Variants in MTFR1 observed in about 807,000 individuals in gnomAD.
MTFR1 encodes the protein mitochondrial fission regulator 1.
Under a neutral mutation model 38.8 loss-of-function variants are expected in MTFR1, and 28 were observed. That is an observed-to-expected ratio of 0.72 (90% CI 0.53 to 0.99). The LOEUF (loss-of-function observed/expected upper bound fraction) is 0.99, where lower values mean the gene tolerates loss of function less well. MTFR1 is among the 50% of genes least tolerant of loss of function. MTFR1 has a pLI of 0.00. For missense variants in MTFR1, 358 were observed against 395.5 expected, an observed-to-expected ratio of 0.91 and a Z score of 0.81; for synonymous variants, 145 against 137.0, an observed-to-expected ratio of 1.06 and a Z score of -0.41.
intron 3 of MTFR1, among the ~76,000 whole-genome samples, chr8:65,731,053 T>C (rs1806865445): frequency 6.6e-6 from 1 of 152,220 alleles, no homozygotes; most frequent in Non-Finnish European, 1.5e-5. Flanking sequence ...CATGTGCTGG[T>C]GCTGTTTTAG....
rs779099964 is a variant in MTFR1, at chr8:65,704,854, G to A, written c.442G>A (p.Glu148Lys). Residue 148 changes from glutamate to lysine, a missense_variant, in exon 5 of 8, where the codon GAA (glutamate) becomes AAA (lysine). Coordinates refer to ENST00000262146, the MANE Select transcript of MTFR1 (RefSeq NM_014637.4). ...AGCACTGCAGAAGATTTGCGCTCTC[G>A]AAAATGAACTTGCTGCTCTCAGAGC... ...EEALQKICALENELAALRAQI... is the reference protein window; with the variant it reads ...EEALQKICALKNELAALRAQI... The A allele has an allele frequency of 5.0e-6, 8 of 1,613,590 alleles. No individual in the cohort carries two copies. The highest frequency in any genetic ancestry group is 5.1e-6 in the Non-Finnish European group (6 of 1,179,836).
intron 3 of MTFR1, among the ~76,000 whole-genome samples, chr8:65,743,907 A>G (rs1338069485): frequency 1.3e-5 from 2 of 151,384 alleles, no homozygotes; most frequent in Non-Finnish European, 2.9e-5. Flanking sequence ...ATCTCAGCTC[A>G]CTGCAACCTT....
chr8:65,766,932 G>T (rs946866174), intron 3 of MTFR1, among the ~76,000 whole-genome samples: 1 of 151,990 alleles, frequency 6.6e-6, no homozygotes, highest in Admixed American at 6.6e-5. Flanking sequence ...TTTCTCAATG[G>T]GTCTTGGAAA....
At position 65,655,969 on chromosome 8, in the gene MTFR1, C is replaced by CATATATATATATATATGTATATATATA; in HGVS notation, c.-81+11185_-81+11186insATATATATATATATATGTATATATATA. Among the ~76,000 whole-genome samples, 105 of 56,424 alleles carry CATATATATATATATATGTATATATATA rather than the reference C, an allele frequency of 1.9e-3. 6 individuals carry two copies. The highest frequency in any genetic ancestry group is 0.01 in the African/African-American group (100 of 9,802). 37.0% of individuals were successfully genotyped at this position (56,424 alleles called of 152,430 possible). The stretch of plus-strand genomic sequence containing the variant: ...AAAAAAAAATATATATATATATATA[C>CATATATATATATATATGTATATATATA]CATATATATATATATGGTAGTGGGT... On this transcript the variant is annotated intron_variant, in intron 1 of 7. Coordinates refer to ENST00000262146, the MANE Select transcript of MTFR1 (RefSeq NM_014637.4).
At chr8:65,681,146 T>A (rs1285638472) in intron 2 of MTFR1, among the ~76,000 whole-genome samples, 1 of 151,838 alleles carries the variant, frequency 6.6e-6, no homozygotes, top group Admixed American at 6.6e-5. Flanking sequence ...TCTCCTGACC[T>A]CATGATCCAC....
intron 1 of MTFR1, among the ~76,000 whole-genome samples, chr8:65,668,053 A>G: frequency 6.6e-6 from 1 of 152,076 alleles, no homozygotes; most frequent in East Asian, 1.9e-4. Context: ...TCTTCTCACA[A>G]CGTAGACCAC....
intron 3 of MTFR1, among the ~76,000 whole-genome samples, chr8:65,752,914 C>T (rs1274378971): frequency 6.6e-6 from 1 of 152,124 alleles, no homozygotes; most frequent in Non-Finnish European, 1.5e-5. Context: ...TTGTCGCCTT[C>T]CAAATCTGTC....
At chr8:65,737,438 G>A (rs554961754) in intron 3 of MTFR1, among the ~76,000 whole-genome samples, 20 of 152,176 alleles carry the variant, frequency 1.3e-4, no homozygotes, top group Non-Finnish European at 2.1e-4. Flanking sequence ...AATTGTATCT[G>A]TAGAGTCACA....
rs75595297 is a variant in MTFR1, at chr8:65,770,630, C to T, written c.*49-317C>T. Among the ~76,000 whole-genome samples, 109 of 152,298 alleles carry T rather than the reference C, an allele frequency of 7.2e-4. 2 individuals carry two copies. The East Asian group carries it at 0.019, about 26-fold the overall frequency. ...CAGTGAATAACACCATAACTTAATA[C>T]ATGTTCCTATTATAAACAAGGTGAA... On this transcript the variant is annotated intron_variant, in intron 3 of 3. Coordinates refer to the MTFR1 transcript ENST00000521247.
At chr8:65,643,985 G>A (rs1808882925), upstream of MTFR1, among the ~76,000 whole-genome samples, 1 of 152,094 alleles carries the variant, frequency 6.6e-6, no homozygotes, top group African/African-American at 2.4e-5. Context: ...GGGTAAGAGA[G>A]ACAGCCAATC....
At chr8:65,664,424 G>A (rs1365427977) in intron 1 of MTFR1, among the ~76,000 whole-genome samples, 1 of 152,122 alleles carries the variant, frequency 6.6e-6, no homozygotes, top group African/African-American at 2.4e-5. Flanking sequence ...GGTTGCAAAT[G>A]TTAGAATAGT....
intron 3 of MTFR1, among the ~76,000 whole-genome samples, chr8:65,729,949 A>G (rs1806782840): frequency 6.6e-6 from 1 of 151,928 alleles, no homozygotes. Flanking sequence ...ACAGAAGGCA[A>G]AAGGACAAGG....
intron 3 of MTFR1, among the ~76,000 whole-genome samples, chr8:65,765,139 TC>T (rs1808702610): frequency 6.6e-6 from 1 of 152,008 alleles, no homozygotes. Context: ...TCCTGAAAGG[TC>T]CCCCTGCTGC....
chr8:65,744,207 T>C (rs896445959), intron 3 of MTFR1, among the ~76,000 whole-genome samples: 3 of 149,168 alleles, frequency 2.0e-5, no homozygotes, highest in South Asian at 2.1e-4. Flanking sequence ...CTTAGTTGTG[T>C]TACAAAACAA....
At chr8:65,644,517 A>T (rs1808893005), upstream of MTFR1, among the ~76,000 whole-genome samples, 1 of 152,266 alleles carries the variant, frequency 6.6e-6, no homozygotes, top group Non-Finnish European at 1.5e-5. Flanking sequence ...CGGTGAAGGC[A>T]CAAAGCAAGG....
chr8:65,682,303 C>T, intron 2 of MTFR1, 50 bp from the exon 3 acceptor site: 1 of 899,880 alleles, frequency 1.1e-6, no homozygotes, highest in Non-Finnish European at 1.7e-6. Flanking sequence ...TTTGTCTTAA[C>T]AGTTCTGTAC....
At chr8:65,754,414 T>G (rs1251661016) in intron 3 of MTFR1, among the ~76,000 whole-genome samples, 1 of 151,918 alleles carries the variant, frequency 6.6e-6, no homozygotes, top group Non-Finnish European at 1.5e-5. Flanking sequence ...TTTCCCATTC[T>G]TTTACTTTCA....
At chr8:65,658,749 A>G (rs1469250685) in intron 1 of MTFR1, among the ~76,000 whole-genome samples, 2 of 152,206 alleles carry the variant, frequency 1.3e-5, no homozygotes, top group Admixed American at 6.5e-5. Flanking sequence ...ACAGACATAA[A>G]TACAGCTCAA....
intron 3 of MTFR1, among the ~76,000 whole-genome samples, chr8:65,689,403 TATC>T (rs1805203002): frequency 1.3e-5 from 2 of 152,212 alleles, no homozygotes; most frequent in Admixed American, 6.5e-5. Flanking sequence ...TTTGGTATAT[TATC>T]AGAATATTTT....
Sources: gnomAD v4.1 joint callset for allele counts (sites outside exome capture counted in the v4.1 genomes callset) on GRCh38, gnomAD v4.1.1 for gene constraint, MANE v1.5 for transcripts, NCBI Gene and HGNC (gene_info 2026-07-23, HGNC 2026-07-21) for gene names.